The following MALRD1 variants were observed in gnomAD, a reference collection of about 807,000 sequenced individuals.
MALRD1 encodes MAM and LDL receptor class A domain containing 1.
In MALRD1, 247 loss-of-function variants were observed where a neutral mutation model predicts 242.1. The observed-to-expected ratio is 1.02, with a 90% CI of 0.92 to 1.13. The LOEUF (loss-of-function observed/expected upper bound fraction) is 1.13, where lower values mean the gene tolerates loss of function less well. Ranked by LOEUF, MALRD1 falls within the 50% of genes most tolerant of loss-of-function variation. MALRD1 has a pLI of 0.00. For missense variants in MALRD1, 2,989 were observed against 2,533.1 expected, an observed-to-expected ratio of 1.18 and a Z score of -3.86; for synonymous variants, 995 against 866.6, an observed-to-expected ratio of 1.15 and a Z score of -2.60.
At chr10:19,371,126 G>A (rs1174102151) in intron 26 of MALRD1, among the ~76,000 whole-genome samples, 3 of 150,682 alleles carry the variant, frequency 2.0e-5, no homozygotes, top group Non-Finnish European at 1.5e-5. Context: ...AGCCAGGTGT[G>A]GTGGCATGCA....
intron 13 of MALRD1, among the ~76,000 whole-genome samples, chr10:19,167,145 A>C (rs1196505704): frequency 1.3e-5 from 2 of 152,046 alleles, no homozygotes; most frequent in Non-Finnish European, 2.9e-5. Context: ...GGATCACGAG[A>C]TCAGGAGATC....
intron 14 of MALRD1, among the ~76,000 whole-genome samples, chr10:19,191,188 C>A (rs1835959450): frequency 6.6e-6 from 1 of 152,146 alleles, no homozygotes; most frequent in Non-Finnish European, 1.5e-5. Context: ...TTTTAATGGA[C>A]ATTTCTCCAA....
At chr10:19,581,331 C>T (rs941108760) in intron 33 of MALRD1, among the ~76,000 whole-genome samples, 1 of 149,916 alleles carries the variant, frequency 6.7e-6, no homozygotes, top group Admixed American at 6.6e-5. Context: ...AACTCGTCAT[C>T]TAGCATTAGG....
chr10:19,331,082 T>G (rs1391632960), intron 23 of MALRD1, among the ~76,000 whole-genome samples: 1 of 152,096 alleles, frequency 6.6e-6, no homozygotes, highest in Non-Finnish European at 1.5e-5. Context: ...AAGGCAGTAG[T>G]GGATTGGTGT....
intron 21 of MALRD1, among the ~76,000 whole-genome samples, chr10:19,296,946 A>T (rs1841731282): frequency 6.6e-6 from 1 of 151,822 alleles, no homozygotes; most frequent in African/African-American, 2.4e-5. Context: ...TCTTCCTCAG[A>T]TTGGCTCATA....
intron 18 of MALRD1, among the ~76,000 whole-genome samples, chr10:19,227,840 G>A (rs1837867040): frequency 6.6e-6 from 1 of 152,064 alleles, no homozygotes; most frequent in Non-Finnish European, 1.5e-5. Flanking sequence ...AAAAAGAGAT[G>A]ATATCTAATA....
At chr10:19,156,581 A>G (rs1273667071) in intron 12 of MALRD1, among the ~76,000 whole-genome samples, 1 of 151,920 alleles carries the variant, frequency 6.6e-6, no homozygotes, top group South Asian at 2.1e-4. Context: ...TGTTAGATAT[A>G]TAGAAAAAAT....
intron 26 of MALRD1, among the ~76,000 whole-genome samples, chr10:19,366,276 G>A (rs1349361411): frequency 6.6e-6 from 1 of 151,746 alleles, no homozygotes; most frequent in Non-Finnish European, 1.5e-5. Flanking sequence ...TCAGGCATTA[G>A]GTTCTCATAA....
chr10:19,081,578 C>A (rs1030113873), intron 2 of MALRD1, among the ~76,000 whole-genome samples: 1 of 152,016 alleles, frequency 6.6e-6, no homozygotes, highest in Non-Finnish European at 1.5e-5. Flanking sequence ...AACACAGGGA[C>A]ACATGGCAGG....
At chr10:19,179,985 G>GA (rs943856404) in intron 14 of MALRD1, among the ~76,000 whole-genome samples, 1 of 150,034 alleles carries the variant, frequency 6.7e-6, no homozygotes, top group African/African-American at 2.4e-5. Context: ...TACAGAAGAA[G>GA]AAAAAAAAAG....
At chr10:19,442,509 T>C (rs530245056) in intron 28 of MALRD1, among the ~76,000 whole-genome samples, 1 of 152,284 alleles carries the variant, frequency 6.6e-6, no homozygotes, top group South Asian at 2.1e-4. Context: ...ACCTAATTTA[T>C]TGAGAGTTTT....
At chr10:19,464,649 C>T (rs1836129829) in intron 29 of MALRD1, among the ~76,000 whole-genome samples, 1 of 152,030 alleles carries the variant, frequency 6.6e-6, no homozygotes, top group Non-Finnish European at 1.5e-5. Context: ...TAATGTGATG[C>T]CTTCAGATTT....
At chr10:19,276,042 A>G (rs1442055707) in intron 19 of MALRD1, among the ~76,000 whole-genome samples, 1 of 152,198 alleles carries the variant, frequency 6.6e-6, no homozygotes. Flanking sequence ...TGGAGCATAG[A>G]ACATTTTTCT....
chr10:19,606,886 A>T (rs1838661974), intron 34 of MALRD1, among the ~76,000 whole-genome samples: 1 of 152,156 alleles, frequency 6.6e-6, no homozygotes, highest in Admixed American at 6.6e-5. Context: ...CTTTCTAGGA[A>T]GTTGTAATCC....
intron 10 of MALRD1, among the ~76,000 whole-genome samples, chr10:19,144,681 G>A (rs1471856230): frequency 6.6e-6 from 1 of 152,168 alleles, no homozygotes; most frequent in Non-Finnish European, 1.5e-5. Context: ...AGAGTTCCTG[G>A]TTTAAGGAGG....
At chr10:19,312,423 T>G (rs1332673568) in intron 21 of MALRD1, among the ~76,000 whole-genome samples, 1 of 149,638 alleles carries the variant, frequency 6.7e-6, no homozygotes, top group African/African-American at 2.5e-5. Flanking sequence ...TGTGTGTGTG[T>G]GTGTGAGAGA....
At chr10:19,662,114 G>T (rs1344186278) in intron 36 of MALRD1, among the ~76,000 whole-genome samples, 1 of 151,886 alleles carries the variant, frequency 6.6e-6, no homozygotes, top group Non-Finnish European at 1.5e-5. Context: ...TAATTATTAT[G>T]TACTATTCTA....
chr10:19,137,140 T>A (rs991278565), intron 10 of MALRD1, among the ~76,000 whole-genome samples: 1 of 152,136 alleles, frequency 6.6e-6, no homozygotes, highest in African/African-American at 2.4e-5. Flanking sequence ...TGCTAACTTT[T>A]ATTGTGTATG....
intron 36 of MALRD1, among the ~76,000 whole-genome samples, chr10:19,646,618 A>G (rs1452748201): frequency 6.6e-6 from 1 of 152,002 alleles, no homozygotes; most frequent in Non-Finnish European, 1.5e-5. Flanking sequence ...AAAAAAAAAA[A>G]ATAATAAGTT....
Sources: gnomAD v4.1 joint callset for allele counts (sites outside exome capture counted in the v4.1 genomes callset) on GRCh38, gnomAD v4.1.1 for gene constraint, MANE v1.5 for transcripts, NCBI Gene and HGNC (gene_info 2026-07-23, HGNC 2026-07-21) for gene names.